TMPRSS11A: variants seen among roughly 807,000 people sequenced by gnomAD.
The protein encoded by TMPRSS11A is transmembrane protease serine 11A.
TMPRSS11A carries 53 observed loss-of-function variants against 58.9 expected under a neutral mutation model. The observed-to-expected ratio is 0.90, with a 90% CI of 0.72 to 1.13. The LOEUF is 1.13. Ranked by LOEUF, TMPRSS11A falls within the 50% of genes most tolerant of loss-of-function variation. The probability of loss-of-function intolerance (pLI) is 0.00; values close to 1 mark genes in which losing one functional copy is unlikely to be tolerated. For synonymous variants in TMPRSS11A, 167 were observed against 169.8 expected (o/e 0.98, Z 0.13); for missense variants, 493 against 499.3 (o/e 0.99, Z 0.12).
rs1166449705 is a variant in TMPRSS11A at position 67,910,181 on chromosome 4, T to C, written c.*1161A>G. 6.6e-6 allele frequency: 1 copy of C among 152,088 alleles called. No individual in the cohort carries two copies. The highest frequency in any genetic ancestry group is 1.5e-5 in the Non-Finnish European group (1 of 67,946). 9.4% of individuals were successfully genotyped at this position (152,088 alleles called of 1,614,324 possible). On this transcript the variant is annotated 3_prime_UTR_variant, in exon 10 of 10. Coordinates refer to ENST00000508048, the MANE Select transcript of TMPRSS11A (RefSeq NM_001114387.2). Reference sequence around the variant, plus strand: ...CACGTTGCTGATGGAGTATGTTTTCTCTTGTGGACCACATATAACAAAGTG... The same window carrying C: ...CACGTTGCTGATGGAGTATGTTTTCCCTTGTGGACCACATATAACAAAGTG...
At chr4:67,934,908 A>T (rs930439352) in intron 3 of TMPRSS11A, among the ~76,000 whole-genome samples, 2 of 152,120 alleles carry the variant, frequency 1.3e-5, no homozygotes, top group Admixed American at 1.3e-4. Flanking sequence ...CCTCAGATAG[A>T]TATGTCACTG....
Position 67,919,447 on chromosome 4 carries a change from C to G in TMPRSS11A, c.693-215G>C, listed in dbSNP as rs528424737. On this transcript the variant is annotated intron_variant, in intron 7 of 9. Coordinates refer to ENST00000508048, the MANE Select transcript of TMPRSS11A (RefSeq NM_001114387.2). ...ATTAGAACTGATATTTAATACAAAACTATTGAATTTTAGAACTGTAATACA... is the reference window on the plus strand; with the variant it reads ...ATTAGAACTGATATTTAATACAAAAGTATTGAATTTTAGAACTGTAATACA... Among the ~76,000 whole-genome samples the G allele has an allele frequency of 1.8e-3, 269 of 152,158 alleles. 1 individual carries two copies. Among genetic ancestry groups the G allele is most frequent in the African/African-American group, 6.3e-3 (261 of 41,496 alleles).
chr4:67,946,603 C>G, intron 1 of TMPRSS11A, 32 bp from the exon 2 acceptor site: 1 of 1,590,144 alleles, frequency 6.3e-7, no homozygotes, highest in Non-Finnish European at 8.5e-7. Context: ...TGGTTACTCT[C>G]AGATAGCAAT....
At chr4:67,912,276 A>G (rs112191739) in intron 9 of TMPRSS11A, among the ~76,000 whole-genome samples, 8 of 106,712 alleles carry the variant, frequency 7.5e-5, no homozygotes. Flanking sequence ...CTGTTCCACC[A>G]TATCAACACA....
In TMPRSS11A at chr4:67,929,998, G is replaced by A. The variant is rs761701212; in HGVS notation, c.363C>T (p.Phe121=). Residue 121 remains phenylalanine, a synonymous_variant, in exon 5 of 10, where the codon TTC becomes TTT. Coordinates refer to ENST00000508048, the MANE Select transcript of TMPRSS11A (RefSeq NM_001114387.2). The part of the protein sequence containing the change: ...DGVKVDVIMV[F]QFPSTEQRAV... Reference sequence around the variant, plus strand: ...CCCTTTGTTCAGTAGAGGGGAACTGGAACACCATAATGACATCTACTTTCA... The same window carrying A: ...CCCTTTGTTCAGTAGAGGGGAACTGAAACACCATAATGACATCTACTTTCA... 3.1e-6 allele frequency: 5 copies of A among 1,613,408 alleles called. No homozygotes were observed. The African/African-American group carries it at 5.3e-5, about 17-fold the overall frequency.
chr4:67,933,004 G>A lies in TMPRSS11A; in HGVS notation c.253-944C>T, dbSNP rs199704266. Among the ~76,000 whole-genome samples the A allele has an allele frequency of 1.7e-3, 257 of 151,968 alleles. 2 individuals carry two copies. The highest frequency in any genetic ancestry group is 6.0e-3 in the African/African-American group (249 of 41,434). On this transcript the variant is annotated intron_variant, in intron 3 of 9. Transcript: ENST00000508048. ...TAGAAATAGTGTCATCTCAATGTGG[G>A]TAAGGTACTACAGTTCATGTTGGAC...
At position 67,909,576 on chromosome 4, in the gene TMPRSS11A, T is replaced by C. The variant is rs1227247962; in HGVS notation, c.*1766A>G. On this transcript the variant is annotated 3_prime_UTR_variant, in exon 10 of 10. Coordinates refer to ENST00000508048, the MANE Select transcript of TMPRSS11A (RefSeq NM_001114387.2). ...TTTACCACCATAATATAGAATAATT[T>C]ATATGCCTATGTATATTTATATATG... 6.6e-6 allele frequency: 1 copy of C among 152,218 alleles called. No individual in the cohort carries two copies. 9.4% of individuals were successfully genotyped at this position (152,218 alleles called of 1,614,324 possible). A position where few individuals can be genotyped will look rare whatever the true frequency, so the allele number is the denominator to read the frequency against.
chr4:67,922,833 T>C lies in TMPRSS11A; in HGVS notation c.614A>G (p.Gln205Arg), dbSNP rs1720365391. ...CCCACACTGATGGATGTTATCATACTGAAGGGAAGCTTGCCAAGGCCAGGC... is the reference window on the plus strand; with the variant it reads ...CCCACACTGATGGATGTTATCATACCGAAGGGAAGCTTGCCAAGGCCAGGC... ...KAAWPWQASL[Q>R]YDNIHQCGAT... Residue 205 changes from glutamine to arginine, a missense_variant, in exon 7 of 10, where the codon CAG becomes CGG. Physicochemically the swap from Gln to Arg is conservative, Grantham distance 43. Transcript: ENST00000508048. 7 of 1,614,082 alleles carry C rather than the reference T, an allele frequency of 4.3e-6. No homozygotes were observed. The highest frequency in any genetic ancestry group is 3.3e-5 in the South Asian group (3 of 91,086).
At chr4:67,957,353 G>A (rs1721313132) in intron 1 of TMPRSS11A, among the ~76,000 whole-genome samples, 1 of 152,174 alleles carries the variant, frequency 6.6e-6, no homozygotes. Context: ...AAATGGCTTT[G>A]ACCAAAAACC....
chr4:67,944,504 GTTT>G lies in TMPRSS11A; in HGVS notation c.252+12_252+14del. 1 of 1,603,074 alleles carries G rather than the reference GTTT, an allele frequency of 6.2e-7. No homozygotes were observed. The highest frequency in any genetic ancestry group is 8.5e-7 in the Non-Finnish European group (1 of 1,176,116). Reference sequence around the variant, plus strand: ...TTGCATTATTCTATGATAAAAAGAAGTTTACCTGACTCACCAAATTTTCGGTCG... The same window carrying G: ...TTGCATTATTCTATGATAAAAAGAAGACCTGACTCACCAAATTTTCGGTCG... On this transcript the variant is annotated intron_variant, in intron 3 of 9. Transcript: ENST00000508048.
chr4:67,927,873 A>G (rs564642819), intron 5 of TMPRSS11A, among the ~76,000 whole-genome samples: 1 of 152,242 alleles, frequency 6.6e-6, no homozygotes, highest in East Asian at 1.9e-4. Flanking sequence ...TTTATTTCAC[A>G]TTGTGTTTTC....
chr4:67,922,567 GACTGTT>G (rs1327801422), intron 7 of TMPRSS11A, among the ~76,000 whole-genome samples, 182 bp downstream of exon 7: 1 of 152,156 alleles, frequency 6.6e-6, no homozygotes, highest in Admixed American at 6.5e-5. Flanking sequence ...CTAGGATAAT[GACTGTT>G]ACTTATTCCC....
rs756200756 is a variant in TMPRSS11A at position 67,911,366 on chromosome 4, C to G, written c.1233G>C (p.Trp411Cys). 6.2e-7 allele frequency: 1 copy of G among 1,613,192 alleles called. No individual in the cohort carries two copies. Among genetic ancestry groups the G allele is most frequent in the Non-Finnish European group, 8.5e-7 (1 of 1,179,468 alleles). ...ATTAGATGCCTGTTTTTGAAGCAAT[C>G]CAGTTTCGGTAATAAGTCACTTGTG... Reference protein sequence around the residue: ...VYTQVTYYRNWIASKTGI With the variant: ...VYTQVTYYRNCIASKTGI Residue 411 changes from tryptophan (W) to cysteine (C), a missense_variant, in exon 10 of 10, where the codon TGG (tryptophan) becomes TGC (cysteine). Trp to Cys is a radical substitution (Grantham distance 215). Transcript: ENST00000508048.
chr4:67,957,264 G>A (rs1721311910), intron 1 of TMPRSS11A, among the ~76,000 whole-genome samples: 1 of 152,200 alleles, frequency 6.6e-6, no homozygotes, highest in African/African-American at 2.4e-5. Context: ...TGGGTAATAT[G>A]CAGAGGTTGG....
chr4:67,937,568 T>A (rs973989944), intron 3 of TMPRSS11A, among the ~76,000 whole-genome samples: 16 of 152,170 alleles, frequency 1.1e-4, no homozygotes, highest in African/African-American at 3.9e-4. Context: ...AGAGCACATG[T>A]GTGGAGTTGC....
At chr4:67,959,288 A>C (rs557953544) in intron 1 of TMPRSS11A, among the ~76,000 whole-genome samples, 17 of 148,714 alleles carry the variant, frequency 1.1e-4, no homozygotes, top group Admixed American at 6.1e-4. Context: ...TCTTAACATC[A>C]ACCCTGGTGA....
rs964372681 is a variant in TMPRSS11A at position 67,952,864 on chromosome 4, T to C, written c.12-6293A>G. On this transcript the variant is annotated intron_variant, in intron 1 of 9. Coordinates refer to ENST00000508048, the MANE Select transcript of TMPRSS11A (RefSeq NM_001114387.2). ...GCATTTCTCAAATAGTGTTTCCAAGTAGTGGAGGGAGGAGAGGTTTCACAC... is the reference window on the plus strand; with the variant it reads ...GCATTTCTCAAATAGTGTTTCCAAGCAGTGGAGGGAGGAGAGGTTTCACAC... Among the ~76,000 whole-genome samples, 13 of 152,100 alleles carry C rather than the reference T, an allele frequency of 8.5e-5. 1 individual carries two copies. The highest frequency in any genetic ancestry group is 7.9e-4 in the Admixed American group (12 of 15,258).
chr4:67,922,900 T>A lies in TMPRSS11A; in HGVS notation c.547A>T (p.Asn183Tyr). The change falls in exon 7 of 10, where the codon AAC becomes TAC. Residue 183 changes from asparagine to tyrosine, a missense_variant. By Grantham distance (143) the Asn-to-Tyr change is moderately radical (BLOSUM62 -2). Transcript: ENST00000508048. ...ASCGKRVVPL[N>Y]VNRIASGVIA... Reference sequence around the variant, plus strand: ...ACTCCAGATGCTATTCTGTTGACGTTTAATGGAACAACTCGTTTACCACAA... The same window carrying A: ...ACTCCAGATGCTATTCTGTTGACGTATAATGGAACAACTCGTTTACCACAA... The A allele has an allele frequency of 6.2e-7, 1 of 1,614,144 alleles. No individual in the cohort carries two copies. The highest frequency in any genetic ancestry group is 1.7e-5 in the Admixed American group (1 of 60,008).
chr4:67,952,321 G>A (rs564588933), intron 1 of TMPRSS11A, among the ~76,000 whole-genome samples: 1 of 152,250 alleles, frequency 6.6e-6, no homozygotes, highest in African/African-American at 2.4e-5. Context: ...AACTGCCCTT[G>A]AGAAAGATTC....
Sources: gnomAD v4.1 joint callset for allele counts (sites outside exome capture counted in the v4.1 genomes callset) on GRCh38, gnomAD v4.1.1 for gene constraint, MANE v1.5 for transcripts, NCBI Gene and HGNC (gene_info 2026-07-23, HGNC 2026-07-21) for gene names.